DNAAF11: variants seen among roughly 807,000 people sequenced by gnomAD.
DNAAF11 encodes dynein axonemal assembly factor 11.
A neutral mutation model predicts 60.8 loss-of-function variants in DNAAF11; 45 were observed. The ratio of observed to expected loss-of-function variants is 0.74; its 90% CI spans 0.58 to 0.95. The LOEUF (loss-of-function observed/expected upper bound fraction) is 0.95, where lower values mean the gene tolerates loss of function less well. DNAAF11 is among the 40% of genes least tolerant of loss of function. The pLI is 0.00. For synonymous variants in DNAAF11, 191 were observed against 183.5 expected (o/e 1.04, Z -0.33); for missense variants, 546 against 546.2 (o/e 1.00, Z 0.00).
At chr8:132,628,180 G>T (rs920826442) in intron 5 of DNAAF11, among the ~76,000 whole-genome samples, 2 of 152,144 alleles carry the variant, frequency 1.3e-5, no homozygotes, top group Admixed American at 6.5e-5. Context: ...TTGGGAGGCC[G>T]AGGTGGGCAA....
intron 3 of DNAAF11, among the ~76,000 whole-genome samples, chr8:132,655,962 A>C (rs1823523425): frequency 6.6e-6 from 1 of 152,204 alleles, no homozygotes; most frequent in Non-Finnish European, 1.5e-5. Context: ...TATCTTTCCA[A>C]ATATGCTGAT....
intron 7 of DNAAF11, among the ~76,000 whole-genome samples, chr8:132,619,054 T>C (rs1819488626): frequency 6.6e-6 from 1 of 151,996 alleles, no homozygotes; most frequent in African/African-American, 2.4e-5. Flanking sequence ...AACCCAAATG[T>C]CCAACAATGA....
At chr8:132,670,760 T>A (rs1348032589) in intron 1 of DNAAF11, among the ~76,000 whole-genome samples, 1 of 152,160 alleles carries the variant, frequency 6.6e-6, no homozygotes, top group African/African-American at 2.4e-5. Context: ...AAATTATACA[T>A]TATAACCAAG....
At chr8:132,687,558 C>T in the DNAAF11 span, 33 of 454,802 alleles carry the variant, frequency 7.3e-5, no homozygotes, top group South Asian at 2.3e-4. Flanking sequence ...CATCAGAAGG[C>T]GGACCCACAC....
intron 5 of DNAAF11, among the ~76,000 whole-genome samples, chr8:132,626,054 T>C (rs536189812): frequency 6.7e-6 from 1 of 149,096 alleles, no homozygotes; most frequent in Non-Finnish European, 1.5e-5. Flanking sequence ...CCTTCTTTTT[T>C]TTCTTTTTTT....
intron 2 of DNAAF11, among the ~76,000 whole-genome samples, chr8:132,660,548 T>C (rs561286740): frequency 1.3e-5 from 2 of 152,318 alleles, no homozygotes; most frequent in African/African-American, 4.8e-5. Context: ...TCCTTCTGTG[T>C]CCATGTGGCA....
At chr8:132,617,183 T>A (rs1212268050) in intron 7 of DNAAF11, among the ~76,000 whole-genome samples, 1 of 151,984 alleles carries the variant, frequency 6.6e-6, no homozygotes, top group Non-Finnish European at 1.5e-5. Flanking sequence ...AGAGGTTGGA[T>A]CGAGTTGGGA....
At chr8:132,664,426 C>G (rs562268379) in intron 1 of DNAAF11, among the ~76,000 whole-genome samples, 1 of 152,270 alleles carries the variant, frequency 6.6e-6, no homozygotes, top group African/African-American at 2.4e-5. Context: ...CTACTGGTAC[C>G]AAATATCCTT....
At chr8:132,583,538 A>AGAGT (rs1279622899) in intron 11 of DNAAF11, among the ~76,000 whole-genome samples, 156 bp downstream of exon 11, 3 of 152,198 alleles carry the variant, frequency 2.0e-5, no homozygotes, top group Admixed American at 6.5e-5. Flanking sequence ...CTACAAAGCA[A>AGAGT]GAGTCTACGG....
chr8:132,694,553 T>C, the DNAAF11 span, among the ~76,000 whole-genome samples: 4 of 152,198 alleles, frequency 2.6e-5, no homozygotes, highest in South Asian at 8.3e-4. Context: ...TATAATACTT[T>C]GTTACAGCAA....
At chr8:132,641,789 T>C (rs932845024) in intron 3 of DNAAF11, among the ~76,000 whole-genome samples, 2 of 152,160 alleles carry the variant, frequency 1.3e-5, no homozygotes, top group Non-Finnish European at 2.9e-5. Flanking sequence ...TAAGCACATG[T>C]AGGAAGAGAC....
At chr8:132,575,338 G>A (rs1209913627) in intron 11 of DNAAF11, among the ~76,000 whole-genome samples, 1 of 152,226 alleles carries the variant, frequency 6.6e-6, no homozygotes, top group Non-Finnish European at 1.5e-5. Context: ...CATTCCGTAA[G>A]TGTCAGTGCC....
intron 7 of DNAAF11, among the ~76,000 whole-genome samples, chr8:132,620,396 G>A (rs1234391168): frequency 8.5e-5 from 13 of 152,156 alleles, no homozygotes; most frequent in African/African-American, 1.4e-4. Flanking sequence ...GTGCAGTGGC[G>A]TGATCTCGGC....
At chr8:132,652,876 C>T (rs997483766) in intron 3 of DNAAF11, among the ~76,000 whole-genome samples, 1 of 151,932 alleles carries the variant, frequency 6.6e-6, no homozygotes, top group Non-Finnish European at 1.5e-5. Context: ...ACCACCATGG[C>T]ACGCGTATAC....
intron 7 of DNAAF11, among the ~76,000 whole-genome samples, chr8:132,620,890 CTGAGCTGGAGAAGTGAGCCGG>C: frequency 6.6e-6 from 1 of 152,244 alleles, no homozygotes; most frequent in South Asian, 2.1e-4. Context: ...TGTGGCTGAG[CTGAGCTGGAGAAGTGAGCCGG>C]TTGGGGAACT....
At chr8:132,620,745 G>A (rs1391285089) in intron 7 of DNAAF11, among the ~76,000 whole-genome samples, 4 of 152,206 alleles carry the variant, frequency 2.6e-5, no homozygotes, top group Non-Finnish European at 4.4e-5. Context: ...GGTCTTCATG[G>A]GGGCACGTGG....
At chr8:132,696,699 C>G in the DNAAF11 span, among the ~76,000 whole-genome samples, 29 of 152,140 alleles carry the variant, frequency 1.9e-4, no homozygotes, top group African/African-American at 6.8e-4. Flanking sequence ...CCATGGAATA[C>G]TATGCAGCCA....
rs925977842 is a variant in DNAAF11 at position 132,661,612 on chromosome 8, A to T, written c.26T>A (p.Ile9Asn). MGWITEDL[I>N]RRNAEHNDCV... ...GTCGTTGTGTTCAGCATTCCGTCTA[A>T]TAAGATCTTCTGTGACTGGAAGAAA... Residue 9 changes from isoleucine (I) to asparagine (N), a missense_variant, in exon 2 of 12, where the codon ATT (isoleucine) becomes AAT (asparagine). Transcript: ENST00000620350. 6.2e-7 allele frequency: 1 copy of T among 1,614,070 alleles called. No homozygotes were observed. The highest frequency in any genetic ancestry group is 1.7e-5 in the Admixed American group (1 of 60,022).
chr8:132,649,025 T>A (rs1316412606), intron 3 of DNAAF11, among the ~76,000 whole-genome samples: 1 of 152,158 alleles, frequency 6.6e-6, no homozygotes, highest in Non-Finnish European at 1.5e-5. Context: ...TTATGGAACT[T>A]TTTTATGGAA....
Sources: allele counts gnomAD v4.1 joint callset (sites outside exome capture counted in the v4.1 genomes callset), GRCh38; gene constraint gnomAD v4.1.1; transcripts MANE v1.5; gene names NCBI Gene and HGNC (gene_info 2026-07-23, HGNC 2026-07-21).